Variants in ASIC2 observed in about 807,000 individuals in gnomAD.
ASIC2 encodes acid sensing ion channel subunit 2.
A neutral mutation model predicts 57.3 loss-of-function variants in ASIC2; 25 were observed. The ratio of observed to expected loss-of-function variants is 0.44; its 90% CI spans 0.32 to 0.61. The LOEUF is 0.61. Among genes scored for constraint, ASIC2 ranks in the 20% least tolerant of loss-of-function variants. The probability of loss-of-function intolerance (pLI) is 0.06; values close to 1 mark genes in which losing one functional copy is unlikely to be tolerated. For missense variants in ASIC2, 641 were observed against 738.1 expected (o/e 0.87, Z 1.52); for synonymous variants, 319 against 307.5 (o/e 1.04, Z -0.39).
At position 33,328,483 on chromosome 17, in the gene ASIC2, C is replaced by T. The variant is rs183863213; in HGVS notation, c.556-216416G>A. 3.8e-3 allele frequency among the ~76,000 whole-genome samples: 580 copies of T among 152,290 alleles called. 4 individuals carry two copies. The highest frequency in any genetic ancestry group is 6.8e-3 in the Middle Eastern group (2 of 294). ...TCTCTCTTCCATTCTCCTCTTCCCT[C>T]TTCTAATCAGGATGCTGTAGATCTT... On this transcript the variant is annotated intron_variant, in intron 1 of 9. Coordinates refer to the ASIC2 transcript ENST00000359872.
chr17:34,096,695 A>T lies in ASIC2; in HGVS notation c.555+59283T>A, dbSNP rs539787746. 3.9e-5 allele frequency among the ~76,000 whole-genome samples: 6 copies of T among 152,004 alleles called. No homozygotes were observed. In the South Asian group the frequency reaches 1.2e-3, roughly 32 times the overall value. On this transcript the variant is annotated intron_variant, in intron 1 of 9. Coordinates refer to the ASIC2 transcript ENST00000359872. ...CGGTGAAACCCCGTCTCTACTAAAA[A>T]AATACAAAGAAGTTAGCCGGGCAGG...
At chr17:33,106,511 T>C (rs1361112770) in intron 2 of ASIC2, among the ~76,000 whole-genome samples, 1 of 152,196 alleles carries the variant, frequency 6.6e-6, no homozygotes, top group Non-Finnish European at 1.5e-5. Context: ...TGTACACGGA[T>C]TCCGGTTTCC....
chr17:34,114,950 C>T (rs11871775), intron 1 of ASIC2, among the ~76,000 whole-genome samples: 4,157 of 152,202 alleles, frequency 0.027, 210 homozygotes, highest in African/African-American at 0.095. Flanking sequence ...ATGAGCACCC[C>T]GTGATTATTG....
chr17:34,146,102 G>A (rs975798097), intron 1 of ASIC2, among the ~76,000 whole-genome samples: 40 of 152,162 alleles, frequency 2.6e-4, no homozygotes, highest in Admixed American at 2.6e-3. Flanking sequence ...ACCTTGGGAA[G>A]GGCTTTCTTT....
chr17:33,799,663 T>C (rs1912072701), intron 1 of ASIC2, among the ~76,000 whole-genome samples: 1 of 151,538 alleles, frequency 6.6e-6, no homozygotes, highest in African/African-American at 2.4e-5. Flanking sequence ...AGTTGCTTCT[T>C]GGACTAAATC....
intron 3 of ASIC2, among the ~76,000 whole-genome samples, chr17:33,062,008 T>C (rs967194896): frequency 2.0e-5 from 3 of 152,184 alleles, no homozygotes; most frequent in African/African-American, 4.8e-5. Context: ...GGTGGTGATA[T>C]CCCCTTTATC....
At chr17:33,149,215 A>G (rs1244976649) in intron 1 of ASIC2, among the ~76,000 whole-genome samples, 1 of 152,258 alleles carries the variant, frequency 6.6e-6, no homozygotes, top group African/African-American at 2.4e-5. Flanking sequence ...AACATAAAGA[A>G]AACAAAAAAT....
At chr17:33,059,898 C>G (rs970153597) in intron 3 of ASIC2, among the ~76,000 whole-genome samples, 27 of 152,212 alleles carry the variant, frequency 1.8e-4, no homozygotes, top group Non-Finnish European at 2.1e-4. Flanking sequence ...ATTTGCATTT[C>G]TCTAATGGCC....
intron 1 of ASIC2, among the ~76,000 whole-genome samples, chr17:33,613,339 C>T (rs1309695369): frequency 1.3e-5 from 2 of 150,388 alleles, no homozygotes; most frequent in Admixed American, 6.6e-5. Flanking sequence ...CCGTTCCTTG[C>T]ATTTTCTTTG....
chr17:33,066,388 C>T (rs1258068886), intron 3 of ASIC2, among the ~76,000 whole-genome samples: 1 of 152,154 alleles, frequency 6.6e-6, no homozygotes, highest in Non-Finnish European at 1.5e-5. Flanking sequence ...CCCCATGACC[C>T]ATCTAATACT....
chr17:33,640,059 G>A (rs1013869090), intron 1 of ASIC2, among the ~76,000 whole-genome samples: 1 of 152,110 alleles, frequency 6.6e-6, no homozygotes, highest in African/African-American at 2.4e-5. Flanking sequence ...ATTTCTGATC[G>A]CTGTGTCGGA....
intron 1 of ASIC2, among the ~76,000 whole-genome samples, chr17:33,431,830 A>G (rs1911431993): frequency 1.5e-5 from 2 of 132,052 alleles, no homozygotes; most frequent in African/African-American, 5.0e-5. Flanking sequence ...AATAAGGTAC[A>G]GACAACTTCT....
At chr17:33,538,618 C>G (rs1275351935) in intron 1 of ASIC2, among the ~76,000 whole-genome samples, 1 of 152,226 alleles carries the variant, frequency 6.6e-6, no homozygotes, top group African/African-American at 2.4e-5. Context: ...TCTGTATCAC[C>G]TCATGTAGGA....
Position 33,766,328 on chromosome 17 carries a change from T to C in ASIC2, c.555+389650A>G, listed in dbSNP as rs527794550. Among the ~76,000 whole-genome samples the C allele has an allele frequency of 5.3e-5, 8 of 152,352 alleles. No individual in the cohort carries two copies. In the South Asian group the frequency reaches 6.2e-4, roughly 12 times the overall value. Reference sequence around the variant, plus strand: ...GGTAGTATCATTGGCTTCAAGCAGCTGCTGAGGCTTTTGGAATGTATCCCC... The same window carrying C: ...GGTAGTATCATTGGCTTCAAGCAGCCGCTGAGGCTTTTGGAATGTATCCCC... On this transcript the variant is annotated intron_variant, in intron 1 of 9. Transcript: ENST00000359872.
At chr17:33,065,521 C>T (rs922042801) in intron 3 of ASIC2, among the ~76,000 whole-genome samples, 17 of 152,202 alleles carry the variant, frequency 1.1e-4, no homozygotes, top group African/African-American at 2.4e-4. Flanking sequence ...CTTGCTTTGT[C>T]GCCCAGGCTG....
intron 1 of ASIC2, among the ~76,000 whole-genome samples, chr17:33,434,666 A>G (rs1282077656): frequency 6.6e-6 from 1 of 152,246 alleles, no homozygotes; most frequent in Non-Finnish European, 1.5e-5. Flanking sequence ...ACTCAAGACA[A>G]TGAGCACTTC....
chr17:33,596,913 A>G (rs1276837498), intron 1 of ASIC2, among the ~76,000 whole-genome samples: 3 of 152,242 alleles, frequency 2.0e-5, no homozygotes, highest in Non-Finnish European at 4.4e-5. Context: ...AGGTTTAGCA[A>G]CTTGCACAAA....
rs542788187 is a variant in ASIC2, at chr17:33,887,653, G to A, written c.555+268325C>T. ...ACATTTCTAGAAGATTTAAGTGTTG[G>A]TGCCTTATGGGATGAGGAGTTCTTG... On this transcript the variant is annotated intron_variant, in intron 1 of 9. Transcript: ENST00000359872. 1.4e-4 allele frequency among the ~76,000 whole-genome samples: 21 copies of A among 152,224 alleles called. No homozygotes were observed. In the South Asian group the frequency reaches 3.7e-3, roughly 27 times the overall value.
At chr17:33,777,311 T>C (rs565118293) in intron 1 of ASIC2, among the ~76,000 whole-genome samples, 66 of 152,394 alleles carry the variant, frequency 4.3e-4, no homozygotes, top group African/African-American at 1.5e-3. Context: ...TAAGCCATAA[T>C]GGCTTCCAAA....
Sources: gnomAD v4.1 joint callset for allele counts (sites outside exome capture counted in the v4.1 genomes callset) on GRCh38, gnomAD v4.1.1 for gene constraint, MANE v1.5 for transcripts, NCBI Gene and HGNC (gene_info 2026-07-23, HGNC 2026-07-21) for gene names.